The following TENM3 variants were observed in gnomAD, a reference collection of about 807,000 sequenced individuals.
The protein encoded by TENM3 is teneurin transmembrane protein 3.
TENM3 carries 63 observed loss-of-function variants against 255.1 expected under a neutral mutation model. That is an observed-to-expected ratio of 0.25 (90% CI 0.20 to 0.30). The LOEUF (loss-of-function observed/expected upper bound fraction) is 0.30, where lower values mean the gene tolerates loss of function less well. TENM3 is among the 10% of genes least tolerant of loss of function. The probability of loss-of-function intolerance (pLI) is 1.00; values close to 1 mark genes in which losing one functional copy is unlikely to be tolerated. For missense variants in TENM3, 2,929 were observed against 3,461.1 expected (o/e 0.85, Z 3.86); for synonymous variants, 1,306 against 1,322.3 (o/e 0.99, Z 0.27).
intron 12 of TENM3, among the ~76,000 whole-genome samples, chr4:182,699,266 T>G (rs1757664644): frequency 6.6e-6 from 1 of 152,218 alleles, no homozygotes; most frequent in Admixed American, 6.5e-5. Context: ...TTAAACCTGT[T>G]GTGATTTTTC....
intron 6 of TENM3, among the ~76,000 whole-genome samples, chr4:182,655,111 A>G (rs1753644209): frequency 6.6e-6 from 1 of 152,204 alleles, no homozygotes; most frequent in Admixed American, 6.5e-5. Flanking sequence ...TTTTAATTAC[A>G]TAAATTTCAA....
the TENM3 span, among the ~76,000 whole-genome samples, chr4:181,715,095 A>G: frequency 6.6e-6 from 1 of 152,234 alleles, no homozygotes; most frequent in African/African-American, 2.4e-5. Flanking sequence ...TACGTGGTAG[A>G]GCAGGGTCTG....
the TENM3 span, among the ~76,000 whole-genome samples, chr4:182,012,237 G>A: frequency 2.0e-5 from 3 of 152,154 alleles, no homozygotes; most frequent in African/African-American, 7.2e-5. Flanking sequence ...TAGATAGTTA[G>A]AACAATCGCC....
chr4:182,638,587 A>T (rs1197407341), intron 5 of TENM3, among the ~76,000 whole-genome samples: 1 of 152,144 alleles, frequency 6.6e-6, no homozygotes, highest in Non-Finnish European at 1.5e-5. Context: ...ATACTAAGAT[A>T]TTTTCTGAGA....
chr4:181,953,720 G>A, the TENM3 span, among the ~76,000 whole-genome samples: 1 of 151,994 alleles, frequency 6.6e-6, no homozygotes, highest in African/African-American at 2.4e-5. Flanking sequence ...CATATGTGAA[G>A]AAGCTTTATA....
chr4:181,705,058 A>C, the TENM3 span, among the ~76,000 whole-genome samples: 15 of 119,150 alleles, frequency 1.3e-4, no homozygotes, highest in East Asian at 5.6e-4. Context: ...AAACAAAAAA[A>C]AAAAAACAAA....
chr4:181,626,932 G>C, the TENM3 span, among the ~76,000 whole-genome samples: 1 of 152,206 alleles, frequency 6.6e-6, no homozygotes, highest in African/African-American at 2.4e-5. Flanking sequence ...TAGAATCTAA[G>C]GGAAAGATGC....
At chr4:182,141,188 G>C (rs558530954), upstream of TENM3, 4 of 152,374 alleles carry the variant, frequency 2.6e-5, no homozygotes, top group African/African-American at 9.6e-5. Flanking sequence ...CGTTCACACC[G>C]CAAAGTCACC....
chr4:181,912,949 C>T, the TENM3 span, among the ~76,000 whole-genome samples: 1 of 152,086 alleles, frequency 6.6e-6, no homozygotes. Flanking sequence ...GGCAGGGCTT[C>T]TGTGCAGAAA....
chr4:181,465,865 T>G, the TENM3 span, among the ~76,000 whole-genome samples: 314 of 152,288 alleles, frequency 2.1e-3, no homozygotes, highest in African/African-American at 6.4e-3. Context: ...AGTGAAGGAC[T>G]GGGACACAGT....
the TENM3 span, among the ~76,000 whole-genome samples, chr4:181,634,555 T>C: frequency 6.6e-6 from 1 of 152,192 alleles, no homozygotes; most frequent in Non-Finnish European, 1.5e-5. Context: ...CCTCAAGTGA[T>C]TGATCTTACT....
At chr4:182,393,762 G>T (rs1580397609) in intron 3 of TENM3, among the ~76,000 whole-genome samples, 1 of 152,186 alleles carries the variant, frequency 6.6e-6, no homozygotes, top group East Asian at 1.9e-4. Context: ...ATGAGAGCTG[G>T]CAGGAAGTCA....
At chr4:182,479,979 TAAAGA>T (rs1239948509) in intron 3 of TENM3, among the ~76,000 whole-genome samples, 1 of 151,958 alleles carries the variant, frequency 6.6e-6, no homozygotes, top group Non-Finnish European at 1.5e-5. Flanking sequence ...AAGACAAAAG[TAAAGA>T]ATAGTTATTT....
At chr4:181,933,694 G>T in the TENM3 span, among the ~76,000 whole-genome samples, 1 of 152,148 alleles carries the variant, frequency 6.6e-6, no homozygotes, top group East Asian at 1.9e-4. Context: ...TGTGATAATG[G>T]TGCTCATTGT....
the TENM3 span, among the ~76,000 whole-genome samples, chr4:181,918,931 C>T: frequency 1.3e-5 from 2 of 152,040 alleles, no homozygotes; most frequent in African/African-American, 4.8e-5. Context: ...TACAAAAAGG[C>T]AACTTTAATA....
chr4:182,719,721 A>T (rs1353481970), intron 13 of TENM3, among the ~76,000 whole-genome samples: 2 of 152,156 alleles, frequency 1.3e-5, no homozygotes, highest in South Asian at 2.1e-4. Flanking sequence ...TAGAAATAAG[A>T]AATAAATAAT....
chr4:182,737,001 A>C lies in TENM3; in HGVS notation c.3161A>C (p.Asn1054Thr). 6.2e-7 allele frequency: 1 copy of C among 1,613,856 alleles called. No individual in the cohort carries two copies. The highest frequency in any genetic ancestry group is 8.5e-7 in the Non-Finnish European group (1 of 1,179,768). Reference protein sequence around the residue: ...LFQKWFPASPNLAYTFIWDKT... With the variant: ...LFQKWFPASPTLAYTFIWDKT... ...CAAAAGTGGTTTCCTGCCTCACCAA[A>C]CTTGGCCTATACTTTCATATGGGAT... Residue 1054 changes from asparagine to threonine, a missense_variant, in exon 17 of 28, where the codon AAC becomes ACC. This residue lies in a region of TENM3 where 1,608 missense variants were observed against 1,884.4 expected (regional missense o/e 0.85). Transcript: ENST00000511685.
At chr4:182,281,854 G>A (rs964106911) in intron 1 of TENM3, among the ~76,000 whole-genome samples, 1 of 152,140 alleles carries the variant, frequency 6.6e-6, no homozygotes, top group Admixed American at 6.6e-5. Flanking sequence ...TCCTGCCTCA[G>A]CCTCCAGAGT....
chr4:182,698,461 A>G (rs1218218177), intron 12 of TENM3, among the ~76,000 whole-genome samples: 2 of 152,230 alleles, frequency 1.3e-5, no homozygotes, highest in African/African-American at 4.8e-5. Flanking sequence ...ACTGCAACTC[A>G]GTTTACAGAT....
Sources: gnomAD v4.1 joint callset for allele counts (sites outside exome capture counted in the v4.1 genomes callset) on GRCh38, gnomAD v4.1.1 for gene constraint, gnomAD v4.1.1 regional missense constraint, MANE v1.5 for transcripts, NCBI Gene and HGNC (gene_info 2026-07-23, HGNC 2026-07-21) for gene names.